VAV3: variants seen among roughly 807,000 people sequenced by gnomAD.
VAV3 encodes the protein guanine nucleotide exchange factor VAV3.
A neutral mutation model predicts 131.2 loss-of-function variants in VAV3; 94 were observed. The observed-to-expected ratio is 0.72, with a 90% CI of 0.61 to 0.85. The LOEUF (loss-of-function observed/expected upper bound fraction) is 0.85, where lower values mean the gene tolerates loss of function less well. VAV3 is among the 40% of genes least tolerant of loss of function. VAV3 has a pLI of 0.00. For missense variants in VAV3, 939 were observed against 1,002.7 expected (o/e 0.94, Z 0.86); for synonymous variants, 349 against 342.0 (o/e 1.02, Z -0.22).
intron 15 of VAV3, among the ~76,000 whole-genome samples, chr1:107,730,257 C>A (rs927227613): frequency 2.6e-5 from 4 of 152,178 alleles, no homozygotes; most frequent in Admixed American, 2.6e-4. Context: ...ATACCTTCAG[C>A]AACTTATGTA....
intron 15 of VAV3, among the ~76,000 whole-genome samples, chr1:107,718,645 T>C (rs1661278074): frequency 6.6e-6 from 1 of 152,134 alleles, no homozygotes; most frequent in South Asian, 2.1e-4. Context: ...AGGTAATTTA[T>C]AGATTCAATG....
intron 19 of VAV3, among the ~76,000 whole-genome samples, chr1:107,677,024 C>G (rs547830237): frequency 1.3e-5 from 2 of 152,224 alleles, no homozygotes; most frequent in South Asian, 4.2e-4. Context: ...GAAAAACGAT[C>G]CATAAAAACA....
At chr1:107,885,570 T>TA (rs1363759968) in intron 1 of VAV3, among the ~76,000 whole-genome samples, 4 of 152,172 alleles carry the variant, frequency 2.6e-5, no homozygotes, top group Non-Finnish European at 5.9e-5. Flanking sequence ...GATAATTATC[T>TA]ACAAATGTAG....
At chr1:107,924,128 G>A (rs1203328425) in intron 1 of VAV3, among the ~76,000 whole-genome samples, 1 of 152,098 alleles carries the variant, frequency 6.6e-6, no homozygotes, top group Non-Finnish European at 1.5e-5. Context: ...AAGGGACATG[G>A]CCATGGATAC....
Position 107,869,112 on chromosome 1 carries a change from G to C in VAV3, c.321+5789C>G, listed in dbSNP as rs185228056. On this transcript the variant is annotated intron_variant, in intron 2 of 26. Coordinates refer to ENST00000370056, the MANE Select transcript of VAV3 (RefSeq NM_006113.5). ...AACTACCCTTGCAAATGTCTTATTGGTCCCAACTGAGTGACTAACCCCATT... is the reference window on the plus strand; with the variant it reads ...AACTACCCTTGCAAATGTCTTATTGCTCCCAACTGAGTGACTAACCCCATT... 2.1e-3 allele frequency among the ~76,000 whole-genome samples: 324 copies of C among 152,168 alleles called. 3 individuals carry two copies. Among genetic ancestry groups the C allele is most frequent in the African/African-American group, 7.5e-3 (311 of 41,524 alleles).
intron 20 of VAV3, among the ~76,000 whole-genome samples, chr1:107,622,437 A>G (rs7520628): frequency 0.051 from 7,731 of 152,262 alleles, 217 homozygotes; most frequent in Middle Eastern, 0.088. Context: ...TGAAAATCTT[A>G]ATCATAAATT....
intron 17 of VAV3, among the ~76,000 whole-genome samples, chr1:107,691,723 G>C (rs542195104): frequency 6.6e-6 from 1 of 152,186 alleles, no homozygotes; most frequent in East Asian, 1.9e-4. Flanking sequence ...TGACTCATGG[G>C]CCCTCAAGGG....
chr1:107,848,830 GT>G (rs1669094551), intron 2 of VAV3, among the ~76,000 whole-genome samples: 1 of 152,226 alleles, frequency 6.6e-6, no homozygotes, highest in South Asian at 2.1e-4. Context: ...AAATTCCATC[GT>G]CTCAGTCCAA....
chr1:107,960,024 T>A (rs1675006490), intron 1 of VAV3, among the ~76,000 whole-genome samples: 1 of 152,218 alleles, frequency 6.6e-6, no homozygotes, highest in Non-Finnish European at 1.5e-5. Flanking sequence ...TCAGAATATA[T>A]TCAGAGCCTA....
chr1:107,608,889 A>C (rs1163953086), intron 22 of VAV3, among the ~76,000 whole-genome samples: 1 of 152,232 alleles, frequency 6.6e-6, no homozygotes, highest in Non-Finnish European at 1.5e-5. Context: ...ATTTCTATGC[A>C]TGTATTTTAA....
chr1:107,910,083 G>A (rs755213111), intron 1 of VAV3, among the ~76,000 whole-genome samples: 4 of 152,128 alleles, frequency 2.6e-5, no homozygotes, highest in South Asian at 2.1e-4. Context: ...ACAACTCTAC[G>A]ATGAAAGCAT....
intron 25 of VAV3, among the ~76,000 whole-genome samples, chr1:107,595,775 T>A (rs958839619): frequency 2.0e-5 from 3 of 152,156 alleles, no homozygotes; most frequent in Non-Finnish European, 4.4e-5. Context: ...AATGTCAAAA[T>A]TCTTAAAGTA....
At chr1:107,720,066 G>A (rs1010203770) in intron 15 of VAV3, among the ~76,000 whole-genome samples, 20 of 152,058 alleles carry the variant, frequency 1.3e-4, no homozygotes, top group African/African-American at 2.9e-4. Context: ...TCGTGGGGTC[G>A]GGGGAATGGG....
chr1:107,589,274 G>T (rs1650751768), intron 25 of VAV3, among the ~76,000 whole-genome samples: 1 of 152,234 alleles, frequency 6.6e-6, no homozygotes, highest in African/African-American at 2.4e-5. Flanking sequence ...CTTTGCAGAT[G>T]TAATTCAGTT....
chr1:107,642,833 CATT>C (rs1655452169), intron 19 of VAV3, 78 bp from the exon 20 acceptor site: 1 of 1,575,444 alleles, frequency 6.3e-7, no homozygotes, highest in Admixed American at 1.9e-5. Flanking sequence ...CAAAAAATGT[CATT>C]ATTAACATTA....
At chr1:107,726,668 G>C (rs1661861406) in intron 15 of VAV3, among the ~76,000 whole-genome samples, 1 of 152,176 alleles carries the variant, frequency 6.6e-6, no homozygotes, top group Non-Finnish European at 1.5e-5. Context: ...ATGTTTTACT[G>C]AATCAGCATA....
chr1:107,757,749 G>C (rs1003800612), intron 10 of VAV3, among the ~76,000 whole-genome samples: 5 of 152,048 alleles, frequency 3.3e-5, no homozygotes, highest in Non-Finnish European at 7.4e-5. Flanking sequence ...TGTTAAAATT[G>C]TTCATCTGTC....
At chr1:107,855,442 A>G (rs919977779) in intron 2 of VAV3, among the ~76,000 whole-genome samples, 27 of 151,890 alleles carry the variant, frequency 1.8e-4, no homozygotes, top group African/African-American at 6.3e-4. Context: ...ATGCACAGAT[A>G]ATTTTTGTAT....
chr1:107,838,663 T>C (rs992549372), intron 2 of VAV3, among the ~76,000 whole-genome samples: 2 of 152,176 alleles, frequency 1.3e-5, no homozygotes, highest in African/African-American at 2.4e-5. Context: ...CGTACATTCA[T>C]TGCAGCACTA....
Sources: allele counts gnomAD v4.1 joint callset (sites outside exome capture counted in the v4.1 genomes callset), GRCh38; gene constraint gnomAD v4.1.1; transcripts MANE v1.5; gene names NCBI Gene and HGNC (gene_info 2026-07-23, HGNC 2026-07-21).